Variants in PIK3C3 observed in about 807,000 individuals in gnomAD.
The protein encoded by PIK3C3 is phosphatidylinositol 3-kinase catalytic subunit type 3.
Under a neutral mutation model 126.1 loss-of-function variants are expected in PIK3C3, and 95 were observed. The ratio of observed to expected loss-of-function variants is 0.75; its 90% CI spans 0.64 to 0.89. The LOEUF (loss-of-function observed/expected upper bound fraction) is 0.89. Ranked by LOEUF, PIK3C3 falls within the 40% of genes least tolerant of loss-of-function variation. The pLI is 0.00. For synonymous variants in PIK3C3, 374 were observed against 360.0 expected, an observed-to-expected ratio of 1.04 and a Z score of -0.44; for missense variants, 829 against 1,063.2, an observed-to-expected ratio of 0.78 and a Z score of 3.06.
rs543030913 is a variant in PIK3C3, at chr18:42,081,602, G to C, written c.*465G>C. On this transcript the variant is annotated 3_prime_UTR_variant, in exon 25 of 25. Transcript: ENST00000262039. ...CCTCTCTCTTCTCCCACTCACTTTTGTGTGTTGTTTGTTTTTGCCTAATTT... is the reference window on the plus strand; with the variant it reads ...CCTCTCTCTTCTCCCACTCACTTTTCTGTGTTGTTTGTTTTTGCCTAATTT... The C allele has an allele frequency of 1.1e-4, 17 of 157,812 alleles. No individual in the cohort carries two copies. In the East Asian group the frequency reaches 2.9e-3, roughly 27 times the overall value. 9.8% of individuals were successfully genotyped at this position (157,812 alleles called of 1,614,324 possible). A position where few individuals can be genotyped will look rare whatever the true frequency, so the allele number is the denominator to read the frequency against.
At chr18:42,056,836 C>G (rs1294719931) in intron 21 of PIK3C3, among the ~76,000 whole-genome samples, 1 of 152,058 alleles carries the variant, frequency 6.6e-6, no homozygotes, top group East Asian at 1.9e-4. Context: ...TATAGGGATG[C>G]TGCTTTTCCA....
At chr18:42,080,833 G>A (rs1407110130) in intron 24 of PIK3C3, among the ~76,000 whole-genome samples, 2 of 152,060 alleles carry the variant, frequency 1.3e-5, no homozygotes, top group Non-Finnish European at 2.9e-5. Flanking sequence ...TGCCTTCCTA[G>A]TGCTGGATGA....
intron 21 of PIK3C3, among the ~76,000 whole-genome samples, chr18:42,054,179 T>G (rs867360249): frequency 5.9e-4 from 46 of 78,362 alleles, no homozygotes; most frequent in South Asian, 1.3e-3. Context: ...TATATATATA[T>G]ATATATATAT....
intron 21 of PIK3C3, among the ~76,000 whole-genome samples, chr18:42,055,603 GA>G (rs905835476): frequency 6.6e-6 from 1 of 152,086 alleles, no homozygotes; most frequent in Non-Finnish European, 1.5e-5. Context: ...AAAAATTGAA[GA>G]GTGGGAAACT....
chr18:42,057,205 A>G lies in PIK3C3; in HGVS notation c.2264-678A>G, dbSNP rs150427520. 2.6e-5 allele frequency among the ~76,000 whole-genome samples: 4 copies of G among 152,116 alleles called. No homozygotes were observed. The East Asian group carries it at 7.7e-4, about 29-fold the overall frequency. ...AGTAAAATTTAACAACATTAAAATG[A>G]TAGGTGGTATATTATTACAACTAAA... On this transcript the variant is annotated intron_variant, in intron 21 of 24. Transcript: ENST00000262039.
At chr18:42,042,589 CATT>C (rs1176847094) in intron 19 of PIK3C3, among the ~76,000 whole-genome samples, 1 of 152,146 alleles carries the variant, frequency 6.6e-6, no homozygotes, top group Non-Finnish European at 1.5e-5. Flanking sequence ...TAATTGCCAT[CATT>C]GTTTCATAAA....
intron 4 of PIK3C3, among the ~76,000 whole-genome samples, chr18:41,977,020 C>G (rs1276604531): frequency 6.6e-6 from 1 of 152,076 alleles, no homozygotes; most frequent in Admixed American, 6.6e-5. Context: ...ATGTATTGTT[C>G]TTATTTAGAA....
rs1266458371 is a variant in PIK3C3 at position 42,082,858 on chromosome 18, T to A, written c.*1721T>A. The A allele has an allele frequency of 6.6e-6, 1 of 152,142 alleles. No individual in the cohort carries two copies. Among genetic ancestry groups the A allele is most frequent in the Non-Finnish European group, 1.5e-5 (1 of 68,026 alleles). 9.4% of individuals were successfully genotyped at this position (152,142 alleles called of 1,614,324 possible). A position where few individuals can be genotyped will look rare whatever the true frequency, so the allele number is the denominator to read the frequency against. ...TATCATCTTACTCGTCTTTATAAAC[T>A]CCACAGCACTCTGCATAGATATGAC... On this transcript the variant is annotated 3_prime_UTR_variant, in exon 25 of 25. Coordinates refer to ENST00000262039, the MANE Select transcript of PIK3C3 (RefSeq NM_002647.4).
At chr18:42,068,811 G>T (rs1406945306) in intron 24 of PIK3C3, among the ~76,000 whole-genome samples, 1 of 152,050 alleles carries the variant, frequency 6.6e-6, no homozygotes, top group African/African-American at 2.4e-5. Context: ...TTAGCCAGGT[G>T]TGATGGCGGG....
In PIK3C3 at chr18:42,087,790, G is replaced by C. The variant is rs1169548548; in HGVS notation, c.*6653G>C. ...AACTGTTTGTAAAAATAAATGGTTAGTAGAATGTCTAATTCAATAAATGTT... is the reference window on the plus strand; with the variant it reads ...AACTGTTTGTAAAAATAAATGGTTACTAGAATGTCTAATTCAATAAATGTT... On this transcript the variant is annotated 3_prime_UTR_variant, in exon 25 of 25. Transcript: ENST00000262039. 1 of 152,178 alleles carries C rather than the reference G, an allele frequency of 6.6e-6. No homozygotes were observed. The highest frequency in any genetic ancestry group is 6.5e-5 in the Admixed American group (1 of 15,274). The allele number at this position is 152,178 out of a possible 1,614,324, so 9.4% of individuals were successfully genotyped here. A position where few individuals can be genotyped will look rare whatever the true frequency, so the allele number is the denominator to read the frequency against.
chr18:42,057,465 C>A (rs976547263), intron 21 of PIK3C3, among the ~76,000 whole-genome samples: 10 of 151,944 alleles, frequency 6.6e-5, no homozygotes, highest in African/African-American at 2.4e-4. Context: ...CAGAAGGATT[C>A]ATCTCAGGAA....
chr18:42,078,848 C>T (rs556786863), intron 24 of PIK3C3, among the ~76,000 whole-genome samples: 3 of 152,314 alleles, frequency 2.0e-5, no homozygotes, highest in Admixed American at 1.3e-4. Flanking sequence ...CTTTAGACTT[C>T]TCTTCTGCAA....
At chr18:42,044,635 C>T (rs185290324) in intron 20 of PIK3C3, among the ~76,000 whole-genome samples, 44 of 152,190 alleles carry the variant, frequency 2.9e-4, no homozygotes, top group African/African-American at 9.6e-4. Flanking sequence ...CCAGGCTGGT[C>T]TCAAACTCCT....
intron 16 of PIK3C3, among the ~76,000 whole-genome samples, chr18:42,034,886 A>G (rs570379965): frequency 1.3e-5 from 2 of 152,310 alleles, no homozygotes; most frequent in South Asian, 4.1e-4. Context: ...TATTTTTTAA[A>G]AAAGTGTGTT....
At chr18:42,026,051 A>G (rs570110862) in intron 13 of PIK3C3, 1 of 152,286 alleles carries the variant, frequency 6.6e-6, no homozygotes, top group Admixed American at 6.5e-5. Flanking sequence ...GAGATTTGGG[A>G]AACATTGTCA....
At chr18:41,987,283 A>G (rs1337189651) in intron 4 of PIK3C3, among the ~76,000 whole-genome samples, 5 of 152,092 alleles carry the variant, frequency 3.3e-5, no homozygotes, top group Non-Finnish European at 5.9e-5. Flanking sequence ...GACTCTACCA[A>G]CTGCTATTCT....
intron 24 of PIK3C3, among the ~76,000 whole-genome samples, chr18:42,068,650 T>C (rs559290911): frequency 2.0e-5 from 3 of 152,252 alleles, no homozygotes; most frequent in African/African-American, 7.2e-5. Flanking sequence ...CTTTTTATTA[T>C]AGATATTTAG....
At chr18:41,986,926 A>C (rs56321746) in intron 4 of PIK3C3, among the ~76,000 whole-genome samples, 4,085 of 152,176 alleles carry the variant, frequency 0.027, 81 homozygotes, top group Non-Finnish European at 0.038. Context: ...GTTGAGGAAG[A>C]GAAAGAAGAT....
At chr18:42,068,261 G>A (rs979926706) in intron 24 of PIK3C3, among the ~76,000 whole-genome samples, 1 of 152,106 alleles carries the variant, frequency 6.6e-6, no homozygotes, top group African/African-American at 2.4e-5. Context: ...ACCTAGGTGT[G>A]TGCAGTTTCC....
Sources: gnomAD v4.1 joint callset for allele counts (sites outside exome capture counted in the v4.1 genomes callset) on GRCh38, gnomAD v4.1.1 for gene constraint, MANE v1.5 for transcripts, NCBI Gene and HGNC (gene_info 2026-07-23, HGNC 2026-07-21) for gene names.